The following CHCT1 variants were observed in gnomAD, a reference collection of about 807,000 sequenced individuals.
CHCT1 encodes the protein CHD1 helical C-terminal domain containing protein 1.
At chr17:60,422,676 G>A in the CHCT1 span, 1 of 1,516,374 alleles carries the variant, frequency 6.6e-7, no homozygotes, top group Non-Finnish European at 8.9e-7. Flanking sequence ...GAGGGAAGGA[G>A]GGTCCCGGAG....
the CHCT1 span, chr17:60,429,661 C>G: frequency 7.0e-6 from 8 of 1,142,392 alleles, no homozygotes; most frequent in East Asian, 2.0e-4. Context: ...GCCTCTGCCC[C>G]CAGCCTGACA....
the CHCT1 span, chr17:60,431,305 C>G: frequency 2.7e-6 from 4 of 1,468,570 alleles, no homozygotes; most frequent in East Asian, 9.3e-5. Context: ...TGTCCTGGCT[C>G]TCAGAGCACG....
At chr17:60,426,422 A>G in the CHCT1 span, 1 of 1,363,010 alleles carries the variant, frequency 7.3e-7, no homozygotes, top group Non-Finnish European at 9.8e-7. Flanking sequence ...TCAATCCCCC[A>G]GTCCTTCATC....
chr17:60,426,367 A>G, the CHCT1 span: 18 of 1,526,262 alleles, frequency 1.2e-5, no homozygotes, highest in Non-Finnish European at 1.5e-5. Flanking sequence ...TGCTCCCCAT[A>G]CCTACTCCTG....
chr17:60,422,356 C>T, the CHCT1 span: 7 of 1,070,020 alleles, frequency 6.5e-6, no homozygotes, highest in African/African-American at 3.2e-5. Context: ...GCACATCTTG[C>T]TCCGTTCCCT....
the CHCT1 span, among the ~76,000 whole-genome samples, chr17:60,427,633 C>T: frequency 8.5e-5 from 13 of 152,062 alleles, no homozygotes; most frequent in African/African-American, 2.7e-4. Flanking sequence ...AGGCTGGTCT[C>T]GAACTCCTGA....
At chr17:60,431,104 AC>A in the CHCT1 span, 3 of 999,320 alleles carry the variant, frequency 3.0e-6, no homozygotes, top group Non-Finnish European at 4.5e-6. Flanking sequence ...CCCCTACAAC[AC>A]CCCCCATGTA....
the CHCT1 span, chr17:60,431,103 C>A: frequency 2.0e-6 from 2 of 994,246 alleles, no homozygotes; most frequent in Non-Finnish European, 3.0e-6. Context: ...GCCCCTACAA[C>A]ACCCCCCATG....
chr17:60,422,427 C>T, the CHCT1 span: 3 of 1,473,064 alleles, frequency 2.0e-6, no homozygotes, highest in Non-Finnish European at 2.7e-6. Flanking sequence ...GAAATGGGAG[C>T]GGGGTGGGGG....
At chr17:60,425,860 C>G in the CHCT1 span, 6 of 1,551,708 alleles carry the variant, frequency 3.9e-6, no homozygotes, top group Non-Finnish European at 5.2e-6. Context: ...ATGCCAAGGG[C>G]CTGGATCAGG....
the CHCT1 span, chr17:60,426,197 C>T: frequency 4.5e-6 from 7 of 1,551,756 alleles, no homozygotes; most frequent in Admixed American, 3.9e-5. Context: ...GAAGTTCCTG[C>T]GAAAGTTGCA....
the CHCT1 span, chr17:60,425,647 C>G: frequency 1.6e-6 from 1 of 617,930 alleles, no homozygotes; most frequent in Non-Finnish European, 2.9e-6. Flanking sequence ...AAGGCTCACT[C>G]ACATCCATGC....
the CHCT1 span, chr17:60,421,638 C>T: frequency 6.2e-6 from 6 of 964,630 alleles, no homozygotes; most frequent in Admixed American, 6.2e-5. Flanking sequence ...GTGTGCCGCC[C>T]AGGGACGCGA....
chr17:60,427,956 C>A, the CHCT1 span, among the ~76,000 whole-genome samples: 1 of 151,998 alleles, frequency 6.6e-6, no homozygotes, highest in Non-Finnish European at 1.5e-5. Flanking sequence ...TTTTCAGATT[C>A]GTATCAGTGA....
chr17:60,426,449 A>G, the CHCT1 span: 1 of 1,249,758 alleles, frequency 8.0e-7, no homozygotes, highest in Non-Finnish European at 1.1e-6. Context: ...TGGAGGAGTC[A>G]AGAGCCTGAG....
chr17:60,426,900 A>G, the CHCT1 span: 1 of 1,535,876 alleles, frequency 6.5e-7, no homozygotes, highest in Non-Finnish European at 8.7e-7. Flanking sequence ...TGGGATTGAC[A>G]CACCCAGAGC....
the CHCT1 span, among the ~76,000 whole-genome samples, chr17:60,427,679 T>C: frequency 2.0e-5 from 3 of 152,114 alleles, no homozygotes; most frequent in Admixed American, 6.6e-5. Context: ...TCCCAAAGCA[T>C]TGGGATTACA....
At chr17:60,422,688 G>A in the CHCT1 span, 1 of 1,506,616 alleles carries the variant, frequency 6.6e-7, no homozygotes, top group South Asian at 1.3e-5. Context: ...GTCCCGGAGG[G>A]GCTGGTTTTG....
chr17:60,425,733 C>T, the CHCT1 span: 1 of 1,403,476 alleles, frequency 7.1e-7, no homozygotes, highest in South Asian at 1.2e-5. Context: ...GCACTGCCCC[C>T]AGGAGTAACG....
Sources: gnomAD v4.1 joint callset for allele counts (sites outside exome capture counted in the v4.1 genomes callset) on GRCh38, gnomAD v4.1.1 for gene constraint, MANE v1.5 for transcripts, NCBI Gene and HGNC (gene_info 2026-07-23, HGNC 2026-07-21) for gene names.